Variants in UBE3C observed in about 807,000 individuals in gnomAD.
UBE3C encodes ubiquitin protein ligase E3C, also known as ubiquitin-protein ligase E3C.
In UBE3C, 42 loss-of-function variants were observed where a neutral mutation model predicts 129.4. That is an observed-to-expected ratio of 0.32 (90% CI 0.25 to 0.42). UBE3C has a LOEUF of 0.42. Ranked by LOEUF, UBE3C falls within the 10% of genes least tolerant of loss-of-function variation. UBE3C has a pLI of 1.00. For synonymous variants in UBE3C, 510 were observed against 492.4 expected, an observed-to-expected ratio of 1.04 and a Z score of -0.47; for missense variants, 1,049 against 1,319.1, an observed-to-expected ratio of 0.80 and a Z score of 3.17.
chr7:157,255,503 A>G (rs537234894), intron 21 of UBE3C, among the ~76,000 whole-genome samples: 6 of 152,344 alleles, frequency 3.9e-5, no homozygotes, highest in Admixed American at 3.9e-4. Flanking sequence ...AATAATGCCT[A>G]AGGTCACGTT....
chr7:157,201,675 A>G (rs765128284), intron 10 of UBE3C, 46 bp from the exon 11 acceptor site: 5 of 840,802 alleles, frequency 5.9e-6, no homozygotes, highest in Non-Finnish European at 8.6e-6. Context: ...TGTTTTGAAT[A>G]AGTAATTGCT....
chr7:157,257,253 CAT>C (rs750984490), intron 22 of UBE3C, among the ~76,000 whole-genome samples: 3 of 152,130 alleles, frequency 2.0e-5, no homozygotes, highest in Non-Finnish European at 2.9e-5. Flanking sequence ...ATAACCTAGT[CAT>C]ATGATAGTTA....
chr7:157,214,277 G>A (rs1809675003), intron 13 of UBE3C, among the ~76,000 whole-genome samples: 1 of 152,186 alleles, frequency 6.6e-6, no homozygotes. Flanking sequence ...GTAGAAGAAT[G>A]TAAATGAGAA....
chr7:157,193,506 T>C (rs922721205), intron 10 of UBE3C, among the ~76,000 whole-genome samples: 1 of 152,208 alleles, frequency 6.6e-6, no homozygotes, highest in Non-Finnish European at 1.5e-5. Flanking sequence ...CTGGCCTGAA[T>C]TTATGACCCG....
In UBE3C at chr7:157,187,026, G is replaced by C. The variant is rs1808825830; in HGVS notation, c.1331+5G>C. ...CATGATGGTACCCAAAGTCAGGCAA[G>C]TGTCCGTGGGCGTCTGTGCCAGGGG... is the stretch of plus-strand genomic sequence containing the variant. On this transcript the variant is annotated splice_donor_5th_base_variant and intron_variant, in intron 10 of 22. Transcript: ENST00000348165. 6.3e-7 allele frequency: 1 copy of C among 1,592,586 alleles called. No homozygotes were observed. The highest frequency in any genetic ancestry group is 8.6e-7 in the Non-Finnish European group (1 of 1,169,178).
intron 2 of UBE3C, among the ~76,000 whole-genome samples, chr7:157,166,912 TTGGTGGTGGTGGTGG>T (rs745770395): frequency 7.9e-6 from 1 of 126,564 alleles, no homozygotes; most frequent in Non-Finnish European, 1.6e-5. Context: ...CTTTTTCCTG[TTGGTGGTGGTGGTGG>T]TGGTGGTGGT....
At chr7:157,201,393 G>A (rs138923636) in intron 10 of UBE3C, among the ~76,000 whole-genome samples, 1 of 147,602 alleles carries the variant, frequency 6.8e-6, no homozygotes, top group African/African-American at 2.5e-5. Context: ...ATATTAATAC[G>A]ATATGTAGCA....
chr7:157,242,555 C>T (rs1209135946), intron 18 of UBE3C, among the ~76,000 whole-genome samples: 6 of 117,936 alleles, frequency 5.1e-5, no homozygotes, highest in Admixed American at 2.1e-4. Context: ...TACTGTCTTT[C>T]AGAAGCAGGA....
intron 18 of UBE3C, among the ~76,000 whole-genome samples, chr7:157,235,764 A>T (rs1796137300): frequency 1.3e-5 from 2 of 152,222 alleles, no homozygotes; most frequent in Admixed American, 6.5e-5. Context: ...CATATTTAAG[A>T]CTTCCCTTAC....
chr7:157,158,232 A>G (rs147479278), intron 1 of UBE3C, among the ~76,000 whole-genome samples: 18 of 152,008 alleles, frequency 1.2e-4, no homozygotes, highest in African/African-American at 3.4e-4. Context: ...AGAAAATTCA[A>G]AGGAAACACA....
chr7:157,220,683 C>T lies in UBE3C; in HGVS notation c.1915-6C>T, dbSNP rs778699021. 2.0e-5 allele frequency: 33 copies of T among 1,613,840 alleles called. No individual in the cohort carries two copies. Among genetic ancestry groups the T allele is most frequent in the Admixed American group, 8.3e-5 (5 of 59,984 alleles). ...GGGAGTTCTGAACCAGGATTGCCCC[C>T]GACAGGTCACTCAGCTCTATGTGCC... On this transcript the variant is annotated splice_polypyrimidine_tract_variant and splice_region_variant and intron_variant, in intron 14 of 22. Transcript: ENST00000348165.
intron 4 of UBE3C, among the ~76,000 whole-genome samples, chr7:157,173,838 C>T (rs529690260): frequency 6.6e-5 from 10 of 152,192 alleles, no homozygotes; most frequent in Non-Finnish European, 1.2e-4. Flanking sequence ...TGGCTCCAAA[C>T]ACCTCAAGAG....
At chr7:157,162,112 A>G (rs1457566375) in intron 1 of UBE3C, among the ~76,000 whole-genome samples, 2 of 152,134 alleles carry the variant, frequency 1.3e-5, no homozygotes, top group Non-Finnish European at 2.9e-5. Flanking sequence ...GAATATTGTT[A>G]GTTCATGTAT....
chr7:157,266,085 C>T (rs1038424403), intron 22 of UBE3C, among the ~76,000 whole-genome samples: 4 of 152,054 alleles, frequency 2.6e-5, no homozygotes, highest in East Asian at 1.9e-4. Flanking sequence ...GAGGCTGAGG[C>T]GGGTGGATCA....
intron 10 of UBE3C, among the ~76,000 whole-genome samples, chr7:157,194,983 G>A (rs988197954): frequency 1.3e-5 from 2 of 152,170 alleles, no homozygotes; most frequent in African/African-American, 2.4e-5. Flanking sequence ...TGGGAAATTC[G>A]TGGCCTATTC....
intron 1 of UBE3C, among the ~76,000 whole-genome samples, chr7:157,142,748 C>T (rs1004251514): frequency 7.2e-5 from 11 of 152,092 alleles, no homozygotes; most frequent in African/African-American, 2.4e-4. Context: ...TAACTGTGCT[C>T]ACTCCCCGGG....
At chr7:157,265,676 A>G (rs1279189915) in intron 22 of UBE3C, among the ~76,000 whole-genome samples, 2 of 152,208 alleles carry the variant, frequency 1.3e-5, no homozygotes, top group African/African-American at 2.4e-5. Flanking sequence ...CACGGCACGG[A>G]ATACTGTGTC....
chr7:157,225,112 C>T (rs1563064001), intron 16 of UBE3C, among the ~76,000 whole-genome samples: 1 of 152,168 alleles, frequency 6.6e-6, no homozygotes, highest in Non-Finnish European at 1.5e-5. Context: ...ACAAGATTCT[C>T]GTGCCTCAGC....
intron 11 of UBE3C, among the ~76,000 whole-genome samples, chr7:157,206,175 A>T (rs545219808): frequency 6.6e-6 from 1 of 152,360 alleles, no homozygotes; most frequent in East Asian, 1.9e-4. Context: ...TAAAAGTTCC[A>T]TAAGACAAGG....
Sources: allele counts gnomAD v4.1 joint callset (sites outside exome capture counted in the v4.1 genomes callset), GRCh38; gene constraint gnomAD v4.1.1; transcripts MANE v1.5; gene names NCBI Gene and HGNC (gene_info 2026-07-23, HGNC 2026-07-21).